The following MCF2L variants were observed in gnomAD, a reference collection of about 807,000 sequenced individuals.
MCF2L encodes guanine nucleotide exchange factor DBS.
Under a neutral mutation model 153.4 loss-of-function variants are expected in MCF2L, and 97 were observed. That is an observed-to-expected ratio of 0.63 (90% CI 0.54 to 0.75). The LOEUF (loss-of-function observed/expected upper bound fraction) is 0.75. Ranked by LOEUF, MCF2L falls within the 30% of genes least tolerant of loss-of-function variation. MCF2L has a pLI of 0.00. For synonymous variants in MCF2L, 659 were observed against 632.2 expected (o/e 1.04, Z -0.64); for missense variants, 1,347 against 1,495.2 (o/e 0.90, Z 1.64).
At chr13:112,963,369 C>T (rs563728671) in intron 2 of MCF2L, among the ~76,000 whole-genome samples, 7 of 152,314 alleles carry the variant, frequency 4.6e-5, no homozygotes, top group African/African-American at 1.4e-4. Flanking sequence ...GGCATCAGAG[C>T]GGGTGGAGGG....
chr13:112,963,923 G>A (rs2081862599), intron 2 of MCF2L, among the ~76,000 whole-genome samples: 1 of 152,238 alleles, frequency 6.6e-6, no homozygotes, highest in African/African-American at 2.4e-5. Context: ...CTTGCTCCAG[G>A]CCCCAGAGAT....
intron 1 of MCF2L, among the ~76,000 whole-genome samples, chr13:112,977,581 T>C (rs558174777): frequency 9.8e-5 from 15 of 152,344 alleles, no homozygotes; most frequent in Admixed American, 3.3e-4. Flanking sequence ...GTTTAGGACA[T>C]TGAATGATGA....
rs375624506 is a variant in MCF2L, at chr13:112,993,700, C to T, written c.80-21063C>T. On this transcript the variant is annotated intron_variant, in intron 1 of 29. Transcript: ENST00000535094. The surrounding 1 kb of genome is among the most constrained non-coding windows in gnomAD (Gnocchi z 4.6). ...TGGAATTTGGGGTGGACGGTGGTGC[C>T]ATCAGTCAAGAGAGACTTCAGAGGG... Among the ~76,000 whole-genome samples, 10 of 152,076 alleles carry T rather than the reference C, an allele frequency of 6.6e-5. No individual in the cohort carries two copies. The highest frequency in any genetic ancestry group is 2.4e-4 in the African/African-American group (10 of 41,362).
chr13:113,096,782 C>A lies in MCF2L; in HGVS notation c.3301C>A (p.Pro1101Thr), dbSNP rs2035705630. 1 of 1,567,078 alleles carries A rather than the reference C, an allele frequency of 6.4e-7. No individual in the cohort carries two copies. The highest frequency in any genetic ancestry group is 1.1e-5 in the South Asian group (1 of 87,074). ...AQCLSSSESS[P>T]GSAVLSNSSS... ...GCCTGATCTCCCCGCAGAGTCGAGC[C>A]CGGGGTCGGCCGTGCTGAGCAACTC... Residue 1101 changes from proline to threonine, a missense_variant, in exon 30 of 30, where the codon CCG (proline) becomes ACG (threonine). Pro to Thr is a conservative substitution (Grantham distance 38, BLOSUM62 -1). Transcript: ENST00000535094.
In MCF2L at chr13:113,087,276, G is replaced by C; in HGVS notation, c.2415G>C (p.Ser805=). The C allele has an allele frequency of 6.2e-7, 1 of 1,612,698 alleles. No homozygotes were observed. The highest frequency in any genetic ancestry group is 8.5e-7 in the Non-Finnish European group (1 of 1,179,960). The change falls in exon 22 of 30, where the codon TCG becomes TCC. Residue 805 remains serine (S), a synonymous_variant. Transcript: ENST00000535094. ...GDLGKLLMQG[S]FSVWTDHKRG... is the part of the protein sequence containing the mutation. ...TGGGCAAGCTGCTGATGCAGGGCTC[G>C]TTCAGCGTCTGGACCGACCACAAGA...
intron 1 of MCF2L, among the ~76,000 whole-genome samples, chr13:112,999,991 G>A (rs1281647992): frequency 1.0e-5 from 1 of 95,844 alleles, no homozygotes; most frequent in East Asian, 3.2e-4. Flanking sequence ...GGTGGCGAGT[G>A]GGCCGGGAAT....
At chr13:113,075,875 C>A in intron 11 of MCF2L, 91 bp from the exon 12 acceptor site, 1 of 1,063,222 alleles carries the variant, frequency 9.4e-7, no homozygotes, top group South Asian at 1.7e-5. Context: ...CGGGATCTGT[C>A]GGGAGGACAC....
rs550751739 is a variant in MCF2L at position 112,920,164 on chromosome 13, G to C, written c.169+17793G>C. Among the ~76,000 whole-genome samples, 281 of 152,282 alleles carry C rather than the reference G, an allele frequency of 1.8e-3. 3 individuals carry two copies. Among genetic ancestry groups the C allele is most frequent in the Non-Finnish European group, 3.6e-3 (245 of 68,024 alleles). ...GGGAGAGAATCTGGCAGACAAGCCC[G>C]TGTTACCTGGCTGAACTGCAGAGTG... is the stretch of plus-strand genomic sequence containing the variant. On this transcript the variant is annotated intron_variant, in intron 2 of 29. Transcript: ENST00000375608.
intron 17 of MCF2L, among the ~76,000 whole-genome samples, chr13:113,083,025 T>G (rs2034297946): frequency 6.6e-6 from 1 of 152,208 alleles, no homozygotes. Context: ...TGGGGGCTGC[T>G]TGTCCCCCGA....
rs533645788 is a variant in MCF2L, at chr13:112,979,363, G to A, written c.79+9905G>A. On this transcript the variant is annotated intron_variant, in intron 1 of 29. Transcript: ENST00000535094. ...AGCGGCTGGGTTTCTCTAGCACCTC[G>A]GCATTGTCTGCCTGCTCTTCCAGGC... 7.4e-5 allele frequency: 97 copies of A among 1,318,466 alleles called. No individual in the cohort carries two copies. The East Asian group carries it at 7.7e-4, about 11-fold the overall frequency. The allele number at this position is 1,318,466 out of a possible 1,614,324, so 81.7% of individuals were successfully genotyped here. A position where few individuals can be genotyped will look rare whatever the true frequency, so the allele number is the denominator to read the frequency against.
chr13:113,021,935 A>G (rs1228065719), intron 2 of MCF2L, among the ~76,000 whole-genome samples: 1 of 152,182 alleles, frequency 6.6e-6, no homozygotes, highest in African/African-American at 2.4e-5. Context: ...CAACTGAACG[A>G]GGCTGTGCGG....
chr13:113,058,958 GTGTTTCAGCGC>G (rs111740656), intron 4 of MCF2L, among the ~76,000 whole-genome samples: 526 of 19,376 alleles, frequency 0.027, 6 homozygotes, highest in African/African-American at 0.019. Flanking sequence ...TGGGTGCTGA[GTGTTTCAGCGC>G]TGTTTGGGTG....
At chr13:112,957,207 C>T (rs965922951) in intron 2 of MCF2L, 1 of 152,254 alleles carries the variant, frequency 6.6e-6, no homozygotes, top group African/African-American at 2.4e-5. Context: ...AGACAGTACG[C>T]TCAGCTCAGC....
chr13:112,968,355 A>G (rs2081932593), upstream of MCF2L: 9 of 1,409,276 alleles, frequency 6.4e-6, no homozygotes, highest in African/African-American at 1.4e-5. Flanking sequence ...AGTTTCTTGC[A>G]TATGGCCCTG....
chr13:112,914,702 T>TG (rs1405302244), intron 2 of MCF2L, among the ~76,000 whole-genome samples: 1 of 152,228 alleles, frequency 6.6e-6, no homozygotes, highest in African/African-American at 2.4e-5. Context: ...TTGCATCTCA[T>TG]GCGTGAGATT....
chr13:112,895,949 C>A (rs1479405896), intron 1 of MCF2L, among the ~76,000 whole-genome samples: 3 of 152,204 alleles, frequency 2.0e-5, no homozygotes, highest in Admixed American at 6.5e-5. Context: ...AAGAACCCCC[C>A]ACACGTCTGT....
At chr13:112,982,806 G>A (rs1339484060) in intron 1 of MCF2L, among the ~76,000 whole-genome samples, 3 of 152,164 alleles carry the variant, frequency 2.0e-5, no homozygotes, top group Non-Finnish European at 4.4e-5. Context: ...GTCTGGGCTG[G>A]AGCTGACACC....
At chr13:112,979,190 T>G in intron 1 of MCF2L, 7 of 331,588 alleles carry the variant, frequency 2.1e-5, no homozygotes, top group Non-Finnish European at 2.6e-5. Flanking sequence ...TTCCTCTGGG[T>G]TTGTAGTTGT....
chr13:113,089,885 C>G, intron 26 of MCF2L, 157 bp downstream of exon 26: 1 of 1,609,788 alleles, frequency 6.2e-7, no homozygotes, highest in Non-Finnish European at 8.5e-7. Flanking sequence ...AGCCCTAGGA[C>G]CCCACAGAAG....
Sources: gnomAD v4.1 joint callset for allele counts (sites outside exome capture counted in the v4.1 genomes callset) on GRCh38, gnomAD v4.1.1 for gene constraint, Gnocchi (gnomAD v3.1) non-coding constraint, MANE v1.5 for transcripts, NCBI Gene and HGNC (gene_info 2026-07-23, HGNC 2026-07-21) for gene names.